DMD: variants seen among roughly 807,000 people sequenced by gnomAD.
DMD encodes the protein dystrophin.
Under a neutral mutation model 330.1 loss-of-function variants are expected in DMD, and 63 were observed. The ratio of observed to expected loss-of-function variants is 0.19; its 90% CI spans 0.16 to 0.24. DMD has a LOEUF of 0.24. DMD is among the 10% of genes least tolerant of loss of function. The pLI, the probability that DMD is intolerant of heterozygous loss-of-function variation, is 1.00. For missense variants in DMD, 3,344 were observed against 2,684.1 expected (o/e 1.25, Z -5.43); for synonymous variants, 1,223 against 959.8 (o/e 1.27, Z -5.07).
intron 54 of DMD, among the ~76,000 whole-genome samples, chrX:31,645,087 G>T (rs2080005412): frequency 8.9e-6 from 1 of 112,033 alleles, no homozygotes; most frequent in Non-Finnish European, 1.9e-5. Context: ...GTCAAGGAGG[G>T]TTAATGGCAT....
chrX:32,156,664 ACACGCACG>A (rs1557181287), intron 44 of DMD, among the ~76,000 whole-genome samples: 4 of 106,721 alleles, frequency 3.7e-5, no homozygotes, highest in Non-Finnish European at 7.9e-5. Flanking sequence ...ACACACACAC[ACACGCACG>A]CAATTATTAA....
At chrX:31,305,993 G>T (rs558554571) in intron 62 of DMD, among the ~76,000 whole-genome samples, 7 of 112,141 alleles carry the variant, frequency 6.2e-5, no homozygotes, top group African/African-American at 2.3e-4. Context: ...TGCTGTTGTT[G>T]TTGTTGTTTG....
chrX:32,503,226 A>C (rs978634187), intron 18 of DMD, among the ~76,000 whole-genome samples: 1 of 110,946 alleles, frequency 9.0e-6, no homozygotes, highest in Non-Finnish European at 1.9e-5. Flanking sequence ...CTAAACAAAC[A>C]ATTTTAAAAA....
At chrX:31,501,538 T>C (rs2070409617) in intron 56 of DMD, among the ~76,000 whole-genome samples, 1 of 111,859 alleles carries the variant, frequency 8.9e-6, no homozygotes, top group African/African-American at 3.2e-5. Flanking sequence ...TTCCACAATT[T>C]GTAAGGTTTA....
At position 31,478,343 on chromosome X, in the gene DMD, G is replaced by C. The variant is rs2149254160; in HGVS notation, c.8700C>G (p.Val2900=). Residue 2900 remains valine (V), a synonymous_variant, in exon 59 of 79, where the codon GTC becomes GTG. Transcript: ENST00000357033. ...CAGCCTGCTTTCGTAGAAGCCGAGT[G>C]ACATTCTGGGCTCTCTCCTCAGGAG... The part of the protein sequence containing the change: ...ELPPEERAQN[V]TRLLRKQAEE... 8.3e-7 allele frequency: 1 copy of C among 1,211,682 alleles called. No homozygotes were observed. Among genetic ancestry groups the C allele is most frequent in the Non-Finnish European group, 1.1e-6 (1 of 895,483 alleles).
chrX:31,728,440 CAT>C (rs976002876), intron 52 of DMD, among the ~76,000 whole-genome samples: 2 of 112,417 alleles, frequency 1.8e-5, no homozygotes, highest in African/African-American at 3.2e-5. Context: ...GAAACACACA[CAT>C]GTGCACACAC....
rs185372480 is a variant in DMD at position 33,009,628 on chromosome X, G to A, written c.93+10511C>T. Among the ~76,000 whole-genome samples the A allele has an allele frequency of 1.6e-3, 78 of 49,849 alleles. 35 individuals are homozygous for A. Among genetic ancestry groups the A allele is most frequent in the East Asian group, 9.0e-3 (8 of 890 alleles). The allele number at this position is 49,849 out of a possible 115,157, so 43.3% of individuals were successfully genotyped here. A position where few individuals can be genotyped will look rare whatever the true frequency, so the allele number is the denominator to read the frequency against. On this transcript the variant is annotated intron_variant, in intron 2 of 78. Coordinates refer to ENST00000357033, the MANE Select transcript of DMD (RefSeq NM_004006.3). ...TATATACACATATGTGTGTATGTGT[G>A]TATGTGTATATACACATATGTGTGT...
intron 44 of DMD, among the ~76,000 whole-genome samples, chrX:31,996,769 C>T (rs998344419): frequency 9.0e-6 from 1 of 110,719 alleles, no homozygotes; most frequent in Non-Finnish European, 1.9e-5. Flanking sequence ...ACAATAAAAA[C>T]CATGTTGAAT....
chrX:32,449,937 A>T (rs2148299662), intron 26 of DMD, among the ~76,000 whole-genome samples: 1 of 111,246 alleles, frequency 9.0e-6, no homozygotes, highest in Non-Finnish European at 1.9e-5. Context: ...ATCCCAGCAA[A>T]CACTGTTAAT....
chrX:33,259,806 A>G (rs900260599), intron 1 of DMD, among the ~76,000 whole-genome samples: 29 of 109,890 alleles, frequency 2.6e-4, no homozygotes, highest in Non-Finnish European at 5.1e-4. Flanking sequence ...TCGAAATTCA[A>G]CAGTATGTAA....
At chrX:32,998,263 G>C (rs754048293) in intron 2 of DMD, among the ~76,000 whole-genome samples, 1 of 106,590 alleles carries the variant, frequency 9.4e-6, no homozygotes, top group African/African-American at 3.4e-5. Context: ...AAGCTACCGG[G>C]GAGGCTGAGG....
At chrX:32,881,373 G>A (rs1316094003) in intron 2 of DMD, among the ~76,000 whole-genome samples, 1 of 112,414 alleles carries the variant, frequency 8.9e-6, no homozygotes, top group Non-Finnish European at 1.9e-5. Context: ...ATGAATAATT[G>A]TATACTTACG....
chrX:32,335,202 G>A (rs1385878404), intron 41 of DMD, among the ~76,000 whole-genome samples: 1 of 107,724 alleles, frequency 9.3e-6, no homozygotes, highest in African/African-American at 3.4e-5. Flanking sequence ...ATTCAATTAA[G>A]GACTACTTTT....
At chrX:32,600,596 ACG>A (rs752620512) in intron 12 of DMD, among the ~76,000 whole-genome samples, 9 of 67,027 alleles carry the variant, frequency 1.3e-4, no homozygotes, top group South Asian at 1.8e-3. Flanking sequence ...AAACACGCAC[ACG>A]CACACACACA....
At chrX:31,841,281 G>C (rs773408795) in intron 48 of DMD, among the ~76,000 whole-genome samples, 7 of 111,803 alleles carry the variant, frequency 6.3e-5, no homozygotes, top group African/African-American at 2.3e-4. Flanking sequence ...AATGCTGAGA[G>C]AGGTGAGGAA....
chrX:31,884,634 T>G (rs1447757762), intron 47 of DMD, among the ~76,000 whole-genome samples: 2 of 111,928 alleles, frequency 1.8e-5, no homozygotes, highest in Non-Finnish European at 3.8e-5. Context: ...AAGTAGATTT[T>G]AAGTGTTCTT....
intron 63 of DMD, among the ~76,000 whole-genome samples, chrX:31,224,834 A>T (rs1228803599): frequency 1.8e-5 from 2 of 112,116 alleles, no homozygotes; most frequent in Non-Finnish European, 3.8e-5. Context: ...CTGATAATGC[A>T]ACAATGTGAA....
chrX:32,864,684 T>TC (rs1388894446), intron 2 of DMD, among the ~76,000 whole-genome samples: 2 of 111,687 alleles, frequency 1.8e-5, no homozygotes, highest in Non-Finnish European at 3.8e-5. Flanking sequence ...TCCTCAGGAC[T>TC]CCAGTGTGCT....
intron 1 of DMD, among the ~76,000 whole-genome samples, chrX:33,332,489 A>G (rs187433330): frequency 8.9e-6 from 1 of 111,848 alleles, no homozygotes; most frequent in East Asian, 2.8e-4. Flanking sequence ...AACACTGCAA[A>G]TACACATGAG....
Sources: allele counts gnomAD v4.1 joint callset (sites outside exome capture counted in the v4.1 genomes callset), GRCh38; gene constraint gnomAD v4.1.1; transcripts MANE v1.5; gene names NCBI Gene and HGNC (gene_info 2026-07-23, HGNC 2026-07-21).